Variants in CCDC9B observed in about 807,000 individuals in gnomAD.
The protein encoded by CCDC9B is coiled-coil domain containing 9B, also known as coiled-coil domain-containing protein 9B.
Under a neutral mutation model 47.2 loss-of-function variants are expected in CCDC9B, and 40 were observed. The ratio of observed to expected loss-of-function variants is 0.85; its 90% CI spans 0.66 to 1.10. The LOEUF (loss-of-function observed/expected upper bound fraction) is 1.10, where lower values mean the gene tolerates loss of function less well. Among genes scored for constraint, CCDC9B ranks in the 50% least tolerant of loss-of-function variants. The probability of loss-of-function intolerance (pLI) is 0.00; values close to 1 mark genes in which losing one functional copy is unlikely to be tolerated. For synonymous variants in CCDC9B, 238 were observed against 250.7 expected, an observed-to-expected ratio of 0.95 and a Z score of 0.48; for missense variants, 662 against 651.0, an observed-to-expected ratio of 1.02 and a Z score of -0.18.
At chr15:40,340,664 G>A (rs1889071886) in intron 1 of CCDC9B, 144 bp downstream of exon 1, 2 of 722,830 alleles carry the variant, frequency 2.8e-6, no homozygotes, top group Non-Finnish European at 4.4e-6. Context: ...CTGTCTGGAT[G>A]CAGGTTCTCT....
rs775428896 is a variant in CCDC9B at position 40,335,615 on chromosome 15, G to A, written c.1016C>T (p.Ala339Val). The stretch of plus-strand genomic sequence containing the variant: ...TGCCAGGGCTGGGCTGGCTGCAGGG[G>A]CGCTCCCCAGTCGGCCCTGCTCCAT... ...SGMEQGRLGS[A>V]PAASPALASP... The change falls in exon 11 of 11, where the codon GCC (alanine) becomes GTC (valine). Residue 339 changes from alanine (A) to valine (V), a missense_variant. Coordinates refer to ENST00000397536, the MANE Select transcript of CCDC9B (RefSeq NM_207380.3). 2.7e-6 allele frequency: 4 copies of A among 1,500,260 alleles called. No individual in the cohort carries two copies. Among genetic ancestry groups the A allele is most frequent in the Non-Finnish European group, 3.6e-6 (4 of 1,120,186 alleles). 92.9% of individuals were successfully genotyped at this position (1,500,260 alleles called of 1,614,324 possible).
chr15:40,338,791 C>T lies in CCDC9B; in HGVS notation c.344G>A (p.Gly115Glu). The T allele has an allele frequency of 1.2e-6, 2 of 1,614,124 alleles. No homozygotes were observed. The highest frequency in any genetic ancestry group is 8.5e-7 in the Non-Finnish European group (1 of 1,179,976). The stretch of plus-strand genomic sequence containing the variant: ...GGTCACAGCCAGCTCCACCAGCTCC[C>T]CTAAGCAGAAAGTACCCCCGTGGTC... ...AEDHGGTFCL[G>E]ELVELAVTME... Residue 115 changes from glycine (G) to glutamate (E), a missense_variant, in exon 4 of 11, where the codon GGG becomes GAG. Physicochemically the swap from Gly to Glu is moderately conservative, Grantham distance 98. Coordinates refer to ENST00000397536, the MANE Select transcript of CCDC9B (RefSeq NM_207380.3).
Position 40,335,405 on chromosome 15 carries a change from G to A in CCDC9B, c.1226C>T (p.Pro409Leu). The A allele has an allele frequency of 6.2e-7, 1 of 1,612,878 alleles. No homozygotes were observed. Among genetic ancestry groups the A allele is most frequent in the Non-Finnish European group, 8.5e-7 (1 of 1,179,782 alleles). Residue 409 changes from proline (P) to leucine (L), a missense_variant, in exon 11 of 11, where the codon CCA (proline) becomes CTA (leucine). Pro to Leu is a moderately conservative substitution (Grantham distance 98). Coordinates refer to ENST00000397536, the MANE Select transcript of CCDC9B (RefSeq NM_207380.3). ...PGAQESPVSW[P>L]EGSKQQPLGW... ...CAGGGGCTGCTGCTTAGAGCCCTCT[G>A]GCCAAGACACAGGGCTCTCCTGGGC...
At chr15:40,337,653 A>T in intron 6 of CCDC9B, 71 bp downstream of exon 6, 1 of 1,484,740 alleles carries the variant, frequency 6.7e-7, no homozygotes, top group South Asian at 1.3e-5. Context: ...GGGTCCCTGC[A>T]GCCCTCCCAG....
chr15:40,337,640 G>A lies in CCDC9B; in HGVS notation c.683+84C>T, dbSNP rs1186641635. ...CCCAGCAAGGTCCTCTCAACCCCGA[G>A]GAGGGTCCCTGCAGCCCTCCCAGCA... On this transcript the variant is annotated intron_variant, in intron 6 of 10. Coordinates refer to ENST00000397536, the MANE Select transcript of CCDC9B (RefSeq NM_207380.3). 2.1e-6 allele frequency: 3 copies of A among 1,449,530 alleles called. No homozygotes were observed. The Admixed American group carries it at 6.7e-5, about 32-fold the overall frequency. 89.8% of individuals were successfully genotyped at this position (1,449,530 alleles called of 1,614,324 possible). A position where few individuals can be genotyped will look rare whatever the true frequency, so the allele number is the denominator to read the frequency against.
intron 9 of CCDC9B, chr15:40,336,223 A>G (rs1262199031): frequency 1.0e-6 from 1 of 985,276 alleles, no homozygotes; most frequent in Non-Finnish European, 1.2e-6. Flanking sequence ...TCCTCTGAAT[A>G]CCACGCACTC....
At chr15:40,338,397 G>A (rs1889013281) in intron 5 of CCDC9B, 138 bp downstream of exon 5, 1 of 1,007,578 alleles carries the variant, frequency 9.9e-7, no homozygotes, top group Non-Finnish European at 1.5e-6. Flanking sequence ...GCCAGAGAAA[G>A]GGAGGAGGAG....
chr15:40,337,846 C>T lies in CCDC9B; in HGVS notation c.561G>A (p.Ala187=), dbSNP rs1487743690. 47 of 1,608,812 alleles carry T rather than the reference C, an allele frequency of 2.9e-5. No homozygotes were observed. Among genetic ancestry groups the T allele is most frequent in the Middle Eastern group, 1.7e-4 (1 of 5,926 alleles). Residue 187 remains alanine, a synonymous_variant, in exon 6 of 11, where the codon GCG becomes GCA. Transcript: ENST00000397536. The stretch of plus-strand genomic sequence containing the variant: ...GCTTCCACTGGGCATAGTCCCAGCC[C>T]GCCTCCGGGGGCTCCCCCACCGGCC... ...WSRPVGEPPE[A]GWDYAQWKQE...
chr15:40,338,017 C>G (rs1042182081), intron 5 of CCDC9B, 124 bp from the exon 6 acceptor site: 25 of 903,356 alleles, frequency 2.8e-5, no homozygotes, highest in Admixed American at 8.0e-5. Context: ...TAGGCCTGTT[C>G]CAGCTCTCCC....
chr15:40,339,339 A>T (rs546505012), intron 3 of CCDC9B, 173 bp downstream of exon 3: 23 of 647,378 alleles, frequency 3.6e-5, no homozygotes, highest in African/African-American at 2.5e-4. Flanking sequence ...GGGGGCTTTC[A>T]GCTGTGGCTC....
chr15:40,340,861 G>A lies in CCDC9B; in HGVS notation c.-42C>T. 1 of 1,609,450 alleles carries A rather than the reference G, an allele frequency of 6.2e-7. No homozygotes were observed. The highest frequency in any genetic ancestry group is 8.5e-7 in the Non-Finnish European group (1 of 1,178,634). ...GAGAGAATTCCAGAGCAGCCCCTGG[G>A]GAGCCAGAGTGGGAGGAAAGCTGGA... is the stretch of plus-strand genomic sequence containing the variant. On this transcript the variant is annotated 5_prime_UTR_variant, in exon 1 of 11. Coordinates refer to ENST00000397536, the MANE Select transcript of CCDC9B (RefSeq NM_207380.3).
At position 40,339,625 on chromosome 15, in the gene CCDC9B, G is replaced by A; in HGVS notation, c.124-6C>T. 6.2e-7 allele frequency: 1 copy of A among 1,612,820 alleles called. No individual in the cohort carries two copies. Among genetic ancestry groups the A allele is most frequent in the Admixed American group, 1.7e-5 (1 of 60,012 alleles). ...CGACGGTCCTCCTGGATCTCCTGTG[G>A]GAGGGCTGGGGGTCAGCACACGCCA... On this transcript the variant is annotated splice_region_variant and splice_polypyrimidine_tract_variant and intron_variant, in intron 2 of 10. Transcript: ENST00000397536.
chr15:40,336,181 A>G (rs934265429), intron 9 of CCDC9B: 2 of 985,198 alleles, frequency 2.0e-6, no homozygotes, highest in African/African-American at 1.7e-5. Context: ...TTCCCCCACC[A>G]AGCCTGACCT....
rs571529850 is a variant in CCDC9B at position 40,336,930 on chromosome 15, T to C, written c.743-117A>G. On this transcript the variant is annotated intron_variant, in intron 7 of 10. Coordinates refer to ENST00000397536, the MANE Select transcript of CCDC9B (RefSeq NM_207380.3). ...CTCGGGGCCAGTCGTGGGTTTTGCC[T>C]CCCCAAAAGCGCCCTCGCCTGGGGG... 1.5e-4 allele frequency: 155 copies of C among 1,022,684 alleles called. 2 individuals carry two copies. The African/African-American group carries it at 2.3e-3, about 16-fold the overall frequency. The allele number at this position is 1,022,684 out of a possible 1,614,324, so 63.4% of individuals were successfully genotyped here. A position where few individuals can be genotyped will look rare whatever the true frequency, so the allele number is the denominator to read the frequency against.
rs149438052 is a variant in CCDC9B, at chr15:40,337,794, G to A, written c.613C>T (p.Arg205Cys). 762 of 1,610,208 alleles carry A rather than the reference G, an allele frequency of 4.7e-4. No individual in the cohort carries two copies. Among genetic ancestry groups the A allele is most frequent in the Non-Finnish European group, 6.1e-4 (717 of 1,179,826 alleles). ...KQEREQIDLA[R>C]LARHRDAQGD... The stretch of plus-strand genomic sequence containing the variant: ...TGTGCGTCTCTGTGCCGGGCGAGGC[G>A]GGCTAGGTCGATCTGCTCCCGCTCC... The change falls in exon 6 of 11, where the codon CGC becomes TGC. Residue 205 changes from arginine to cysteine, a missense_variant. By Grantham distance (180) the Arg-to-Cys change is radical (BLOSUM62 -3). Transcript: ENST00000397536.
intron 9 of CCDC9B, 38 bp downstream of exon 9, chr15:40,336,536 A>G (rs750063847): frequency 1.2e-6 from 2 of 1,603,436 alleles, no homozygotes; most frequent in Non-Finnish European, 1.7e-6. Context: ...TGGGACACCC[A>G]CATGCCCGTC....
At chr15:40,338,225 C>T in intron 5 of CCDC9B, 1 of 688,640 alleles carries the variant, frequency 1.5e-6, no homozygotes, top group Non-Finnish European at 2.7e-6. Flanking sequence ...GGGGCTGCTG[C>T]CACCTAGAGG....
Position 40,333,587 on chromosome 15 carries a change from A to AAAAAAAAAAAAAAAAAAAC in CCDC9B, c.*1570_*1571insGTTTTTTTTTTTTTTTTTT, listed in dbSNP as rs1306318163. The AAAAAAAAAAAAAAAAAAAC allele has an allele frequency of 6.6e-6, 1 of 151,958 alleles. No homozygotes were observed. The highest frequency in any genetic ancestry group is 2.4e-5 in the African/African-American group (1 of 41,010). The allele number at this position is 151,958 out of a possible 1,614,324, so 9.4% of individuals were successfully genotyped here. A position where few individuals can be genotyped will look rare whatever the true frequency, so the allele number is the denominator to read the frequency against. On this transcript the variant is annotated 3_prime_UTR_variant, in exon 11 of 11. Transcript: ENST00000397536. Reference sequence around the variant, plus strand: ...TAACTAAAAAAAAAAAAAAAAAAAAAAGACGAACTCTCAGGCCCTCCCCAG... The same window carrying AAAAAAAAAAAAAAAAAAAC: ...TAACTAAAAAAAAAAAAAAAAAAAAAAAAAAAAAAAAAAAAAAACAGACGAACTCTCAGGCCCTCCCCAG...
intron 1 of CCDC9B, 170 bp downstream of exon 1, chr15:40,340,638 G>A: frequency 1.5e-6 from 1 of 652,024 alleles, no homozygotes; most frequent in Non-Finnish European, 2.5e-6. Flanking sequence ...TCTGCATCAA[G>A]ATTCCAGGTT....
Sources: allele counts gnomAD v4.1 joint callset, GRCh38; gene constraint gnomAD v4.1.1; transcripts MANE v1.5; gene names NCBI Gene and HGNC (gene_info 2026-07-23, HGNC 2026-07-21).